The following CEP128 variants were observed in gnomAD, a reference collection of about 807,000 sequenced individuals.
The protein encoded by CEP128 is centrosomal protein 128kDa.
Under a neutral mutation model 156.7 loss-of-function variants are expected in CEP128, and 132 were observed. The ratio of observed to expected loss-of-function variants is 0.84; its 90% CI spans 0.73 to 0.97. The LOEUF (loss-of-function observed/expected upper bound fraction) is 0.97, where lower values mean the gene tolerates loss of function less well. Ranked by LOEUF, CEP128 falls within the 50% of genes least tolerant of loss-of-function variation. The pLI is 0.00. For synonymous variants in CEP128, 469 were observed against 448.9 expected (o/e 1.04, Z -0.57); for missense variants, 1,252 against 1,281.9 (o/e 0.98, Z 0.36).
intron 2 of CEP128, chr14:80,955,099 C>T: frequency 5.8e-6 from 1 of 171,692 alleles, no homozygotes; most frequent in Non-Finnish European, 1.3e-5. Context: ...GCTGCGTGCC[C>T]GCCTCTGACC....
chr14:80,606,005 T>A (rs1892761959), intron 19 of CEP128, among the ~76,000 whole-genome samples: 1 of 151,888 alleles, frequency 6.6e-6, no homozygotes, highest in Non-Finnish European at 1.5e-5. Flanking sequence ...TTTATCTTTA[T>A]AAACTATGAA....
chr14:80,597,958 A>AAAG (rs1392464859), intron 19 of CEP128, among the ~76,000 whole-genome samples: 2 of 148,342 alleles, frequency 1.3e-5, no homozygotes, highest in East Asian at 1.9e-4. Flanking sequence ...TACAAAAAAA[A>AAAG]AAAAAAAAAA....
chr14:80,562,629 G>A (rs1890733095), intron 20 of CEP128, among the ~76,000 whole-genome samples: 1 of 149,482 alleles, frequency 6.7e-6, no homozygotes, highest in South Asian at 2.1e-4. Context: ...TGGAAAATAA[G>A]CCAACAACAG....
intron 13 of CEP128, among the ~76,000 whole-genome samples, chr14:80,815,084 A>T (rs562379676): frequency 6.6e-6 from 1 of 152,338 alleles, no homozygotes; most frequent in South Asian, 2.1e-4. Context: ...ACAAACAAAA[A>T]AAAACTTCTG....
intron 19 of CEP128, among the ~76,000 whole-genome samples, chr14:80,605,902 G>C (rs1245373886): frequency 6.6e-6 from 1 of 151,166 alleles, no homozygotes; most frequent in Non-Finnish European, 1.5e-5. Flanking sequence ...CTACCCAATT[G>C]GTAATAGAAA....
chr14:80,731,705 G>C (rs76966560), intron 19 of CEP128, among the ~76,000 whole-genome samples: 3 of 151,968 alleles, frequency 2.0e-5, no homozygotes, highest in Non-Finnish European at 4.4e-5. Context: ...TCAAAATCTC[G>C]GTAAATACTA....
chr14:80,846,110 T>A (rs1292988384), intron 9 of CEP128, among the ~76,000 whole-genome samples: 1 of 152,194 alleles, frequency 6.6e-6, no homozygotes, highest in African/African-American at 2.4e-5. Flanking sequence ...TTATTTGTTA[T>A]AATTTACAAT....
intron 14 of CEP128, among the ~76,000 whole-genome samples, chr14:80,483,782 A>G (rs1887102543): frequency 6.6e-6 from 1 of 152,224 alleles, no homozygotes; most frequent in African/African-American, 2.4e-5. Flanking sequence ...TTTATAATTT[A>G]GAAATACAGT....
At chr14:80,768,559 G>A (rs973662182) in intron 16 of CEP128, among the ~76,000 whole-genome samples, 4 of 152,086 alleles carry the variant, frequency 2.6e-5, no homozygotes, top group African/African-American at 4.8e-5. Context: ...CTCCAAAAGA[G>A]GGGAAGAAGT....
chr14:80,954,253 G>T (rs1036817204), intron 2 of CEP128, among the ~76,000 whole-genome samples: 1 of 151,542 alleles, frequency 6.6e-6, no homozygotes, highest in African/African-American at 2.4e-5. Flanking sequence ...CTGGGCGACG[G>T]AGCAAGACTC....
chr14:80,706,204 A>G (rs1897237158), intron 19 of CEP128, among the ~76,000 whole-genome samples: 1 of 152,214 alleles, frequency 6.6e-6, no homozygotes, highest in African/African-American at 2.4e-5. Context: ...AAGACAAATG[A>G]TTTTTAATCT....
chr14:80,916,020 A>G (rs1884528561), intron 3 of CEP128, among the ~76,000 whole-genome samples: 1 of 152,224 alleles, frequency 6.6e-6, no homozygotes, highest in Admixed American at 6.5e-5. Context: ...AAACATCCGT[A>G]AAAGAGGAAA....
At chr14:80,499,513 C>T (rs1887640482) in intron 24 of CEP128, among the ~76,000 whole-genome samples, 1 of 152,078 alleles carries the variant, frequency 6.6e-6, no homozygotes, top group Non-Finnish European at 1.5e-5. Context: ...ACATATTTTC[C>T]CCATGAAGAA....
At position 80,728,080 on chromosome 14, in the gene CEP128, A is replaced by G. The variant is rs138772000; in HGVS notation, c.2806+14995T>C. Reference sequence around the variant, plus strand: ...TGTTCACTGCAGCACTATTTACAATAGTAGACATGGAATCAACCTAGATAC... The same window carrying G: ...TGTTCACTGCAGCACTATTTACAATGGTAGACATGGAATCAACCTAGATAC... On this transcript the variant is annotated intron_variant, in intron 19 of 24. Coordinates refer to ENST00000555265, the MANE Select transcript of CEP128 (RefSeq NM_152446.5). 3.9e-4 allele frequency among the ~76,000 whole-genome samples: 60 copies of G among 152,352 alleles called. 1 individual carries two copies. In the East Asian group the frequency reaches 0.011, roughly 29 times the overall value.
At chr14:80,754,378 T>G (rs1899535646) in intron 18 of CEP128, among the ~76,000 whole-genome samples, 1 of 152,122 alleles carries the variant, frequency 6.6e-6, no homozygotes, top group Non-Finnish European at 1.5e-5. Context: ...TTCTGCATAC[T>G]TCTATTACAG....
rs1409185360 is a variant in CEP128 at position 80,939,392 on chromosome 14, A to G, written c.-23T>C. On this transcript the variant is annotated 5_prime_UTR_variant, in exon 2 of 25. Transcript: ENST00000555265. ...GGGAGAAAGCATACTTACAAAGCAC[A>G]CCCCCAAAACTCCGAGTTGCTCTTC... 1.3e-5 allele frequency: 2 copies of G among 152,098 alleles called. No individual in the cohort carries two copies. Among genetic ancestry groups the G allele is most frequent in the African/African-American group, 2.4e-5 (1 of 41,408 alleles). 9.4% of individuals were successfully genotyped at this position (152,098 alleles called of 1,614,324 possible).
At chr14:80,597,065 T>A (rs1892361579) in intron 19 of CEP128, among the ~76,000 whole-genome samples, 4 of 146,776 alleles carry the variant, frequency 2.7e-5, no homozygotes, top group Admixed American at 6.8e-5. Flanking sequence ...AGAACAAAAA[T>A]CAATGAAATT....
chr14:80,804,507 A>G (rs1264357982), intron 13 of CEP128, among the ~76,000 whole-genome samples: 2 of 152,216 alleles, frequency 1.3e-5, no homozygotes, highest in Non-Finnish European at 2.9e-5. Flanking sequence ...GACCCTATGA[A>G]CAAAAATTAA....
intron 8 of CEP128, among the ~76,000 whole-genome samples, chr14:80,870,784 T>C (rs1465904593): frequency 6.7e-6 from 1 of 150,082 alleles, no homozygotes; most frequent in East Asian, 2.0e-4. Flanking sequence ...GGCATCTAGA[T>C]GAGGAAGGAA....
Sources: gnomAD v4.1 joint callset for allele counts (sites outside exome capture counted in the v4.1 genomes callset) on GRCh38, gnomAD v4.1.1 for gene constraint, MANE v1.5 for transcripts, NCBI Gene and HGNC (gene_info 2026-07-23, HGNC 2026-07-21) for gene names.